Variants in PSMC2 observed in about 807,000 individuals in gnomAD.
PSMC2 encodes the protein 26S proteasome regulatory subunit 7.
A neutral mutation model predicts 53.3 loss-of-function variants in PSMC2; 7 were observed. That is an observed-to-expected ratio of 0.13 (90% CI 0.07 to 0.25). PSMC2 has a LOEUF of 0.25. PSMC2 is among the 10% of genes least tolerant of loss of function. The pLI, the probability that PSMC2 is intolerant of heterozygous loss-of-function variation, is 1.00. For missense variants in PSMC2, 241 were observed against 544.0 expected, an observed-to-expected ratio of 0.44 and a Z score of 5.54; for synonymous variants, 169 against 183.9, an observed-to-expected ratio of 0.92 and a Z score of 0.66.
chr7:103,359,459 A>G (rs1036546632), intron 4 of PSMC2, among the ~76,000 whole-genome samples: 4 of 152,034 alleles, frequency 2.6e-5, no homozygotes, highest in Non-Finnish European at 5.9e-5. Context: ...TGTCACCCCA[A>G]AAACAAACCC....
intron 2 of PSMC2, among the ~76,000 whole-genome samples, chr7:103,354,501 T>C (rs1211697496): frequency 6.6e-6 from 1 of 151,912 alleles, no homozygotes; most frequent in Admixed American, 6.6e-5. Flanking sequence ...CCTGAGTAGC[T>C]GGGATTATGA....
At chr7:103,362,139 T>C (rs752516157) in intron 5 of PSMC2, 51 bp downstream of exon 5, 23 of 1,605,148 alleles carry the variant, frequency 1.4e-5, no homozygotes, top group Non-Finnish European at 2.0e-5. Context: ...GGATACTGTC[T>C]CACATTCATA....
Position 103,347,674 on chromosome 7 carries a change from G to T in PSMC2, c.-38G>T, listed in dbSNP as rs1176587476. The stretch of plus-strand genomic sequence containing the variant: ...CCACCGGAAGCAAGGAAGGTGCTGT[G>T]TAATCATTAAGGAGCGGAGGCTTTT... On this transcript the variant is annotated 5_prime_UTR_variant, in exon 1 of 12. Coordinates refer to ENST00000292644, the MANE Select transcript of PSMC2 (RefSeq NM_002803.4). The T allele has an allele frequency of 5.6e-6, 9 of 1,612,416 alleles. No homozygotes were observed. Among genetic ancestry groups the T allele is most frequent in the Non-Finnish European group, 6.8e-6 (8 of 1,178,638 alleles).
Position 103,367,610 on chromosome 7 carries a change from C to A in PSMC2, c.1042C>A (p.Leu348Ile). Residue 348 changes from leucine to isoleucine, a missense_variant, in exon 10 of 12, where the codon CTA (leucine) becomes ATA (isoleucine). This residue lies in a region of PSMC2 where 60 missense variants were observed against 115.8 expected (regional missense o/e 0.52). Transcript: ENST00000292644. The surrounding 1 kb of genome is among the most constrained non-coding windows in gnomAD (Gnocchi z 6.1). Reference protein sequence around the residue: ...DRKIEFSLPDLEGRTHIFKIH... With the variant: ...DRKIEFSLPDIEGRTHIFKIH... Reference sequence around the variant, plus strand: ...AAAAATTGAATTTAGCTTGCCCGATCTAGAGGTAAGAAAACCATTTCATTT... The same window carrying A: ...AAAAATTGAATTTAGCTTGCCCGATATAGAGGTAAGAAAACCATTTCATTT... The A allele has an allele frequency of 6.2e-7, 1 of 1,613,884 alleles. No individual in the cohort carries two copies. Among genetic ancestry groups the A allele is most frequent in the Non-Finnish European group, 8.5e-7 (1 of 1,179,902 alleles).
In PSMC2 at chr7:103,367,963, C is replaced by T; in HGVS notation, c.1211C>T (p.Ala404Val). The change falls in exon 12 of 12, where the codon GCT becomes GTT. Residue 404 changes from alanine (A) to valine (V), a missense_variant. Physicochemically the swap from Ala to Val is moderately conservative, Grantham distance 64. Around this residue, in one of 6 missense-constraint regions of PSMC2, gnomAD observed 60 missense variants for 115.8 expected, o/e 0.52. Transcript: ENST00000292644. The surrounding 1 kb of genome is among the most constrained non-coding windows in gnomAD (Gnocchi z 6.1). Reference protein sequence around the residue: ...MFAIRARRKIATEKDFLEAVN... With the variant: ...MFAIRARRKIVTEKDFLEAVN... ...GCCATCAGAGCACGGCGAAAAATTG[C>T]TACCGAGAAGGATTTCTTGGAAGCT... The T allele has an allele frequency of 6.2e-7, 1 of 1,614,088 alleles. No homozygotes were observed. Among genetic ancestry groups the T allele is most frequent in the Non-Finnish European group, 8.5e-7 (1 of 1,180,020 alleles).
intron 9 of PSMC2, 82 bp downstream of exon 9, chr7:103,366,245 T>C: frequency 1.6e-6 from 2 of 1,270,484 alleles, no homozygotes; most frequent in East Asian, 2.3e-5. Context: ...ATGTTAATCT[T>C]GTACAGAATT....
At chr7:103,357,675 A>C (rs965761235) in intron 4 of PSMC2, among the ~76,000 whole-genome samples, 1 of 152,194 alleles carries the variant, frequency 6.6e-6, no homozygotes, top group Non-Finnish European at 1.5e-5. Context: ...GATTATGGCT[A>C]TGTAAACACT....
At chr7:103,359,575 G>T (rs1563489887) in intron 4 of PSMC2, among the ~76,000 whole-genome samples, 1 of 152,060 alleles carries the variant, frequency 6.6e-6, no homozygotes, top group Non-Finnish European at 1.5e-5. Flanking sequence ...TCATCTAAAT[G>T]GAATCATATA....
In PSMC2 at chr7:103,366,150, T is replaced by C; in HGVS notation, c.831T>C (p.Ile277=). The change falls in exon 9 of 12, where the codon ATT becomes ATC. Residue 277 remains isoleucine, a synonymous_variant. Coordinates refer to ENST00000292644, the MANE Select transcript of PSMC2 (RefSeq NM_002803.4). ...KKACLIFFDE[I]DAIGGARFDD... ...CCTGCCTTATCTTCTTTGATGAAAT[T>C]GATGCTATTGGAGGTGAGAATGATA... 2 of 1,613,054 alleles carry C rather than the reference T, an allele frequency of 1.2e-6. No homozygotes were observed. Among genetic ancestry groups the C allele is most frequent in the East Asian group, 2.2e-5 (1 of 44,858 alleles).
intron 1 of PSMC2, among the ~76,000 whole-genome samples, chr7:103,348,267 A>G (rs1403976042): frequency 6.6e-6 from 1 of 152,224 alleles, no homozygotes; most frequent in Non-Finnish European, 1.5e-5. Context: ...CCTTGGCCCC[A>G]GCCACCAACT....
chr7:103,368,223 C>T lies in PSMC2; in HGVS notation c.*169C>T, dbSNP rs567954898. The T allele has an allele frequency of 2.0e-4, 133 of 656,466 alleles. No individual in the cohort carries two copies. The East Asian group carries it at 3.7e-3, about 18-fold the overall frequency. The allele number at this position is 656,466 out of a possible 1,614,324, so 40.7% of individuals were successfully genotyped here. ...TTTCTAATGTTATTAGGCAGAAAAG[C>T]TTGTTAGAATATATTTTGACTATTT... On this transcript the variant is annotated 3_prime_UTR_variant, in exon 12 of 12. Coordinates refer to ENST00000292644, the MANE Select transcript of PSMC2 (RefSeq NM_002803.4).
intron 8 of PSMC2, among the ~76,000 whole-genome samples, chr7:103,364,958 C>CACATATATATATATATAT (rs1554575470): frequency 1.6e-5 from 2 of 125,502 alleles, no homozygotes; most frequent in African/African-American, 5.9e-5. Context: ...TGTAGACATA[C>CACATATATATATATATAT]ATATATATAT....
intron 6 of PSMC2, 129 bp from the exon 7 acceptor site, chr7:103,363,215 T>C (rs944763744): frequency 7.3e-6 from 5 of 685,978 alleles, no homozygotes; most frequent in Admixed American, 2.9e-5. Flanking sequence ...CACTGGGCAA[T>C]GTATTCAATT....
chr7:103,364,418 T>G lies in PSMC2; in HGVS notation c.756+111T>G, dbSNP rs544755950. On this transcript the variant is annotated intron_variant, in intron 8 of 11. Coordinates refer to ENST00000292644, the MANE Select transcript of PSMC2 (RefSeq NM_002803.4). ...GGATCCAGACCTGAAATTTCTTTTTTCTTTTGTTGAGACAGAGTCTCATTG... is the reference window on the plus strand; with the variant it reads ...GGATCCAGACCTGAAATTTCTTTTTGCTTTTGTTGAGACAGAGTCTCATTG... The G allele has an allele frequency of 3.2e-6, 4 of 1,263,844 alleles. No homozygotes were observed. In the Admixed American group the frequency reaches 8.5e-5, roughly 27 times the overall value. The allele number at this position is 1,263,844 out of a possible 1,614,324, so 78.3% of individuals were successfully genotyped here. A position where few individuals can be genotyped will look rare whatever the true frequency, so the allele number is the denominator to read the frequency against.
At chr7:103,349,934 T>C (rs757702104) in intron 1 of PSMC2, among the ~76,000 whole-genome samples, 4 of 152,234 alleles carry the variant, frequency 2.6e-5, no homozygotes, top group African/African-American at 7.2e-5. Context: ...CCTGAGACGA[T>C]TGAGAATCCA....
At chr7:103,365,727 A>G (rs954335707) in intron 8 of PSMC2, among the ~76,000 whole-genome samples, 1 of 152,132 alleles carries the variant, frequency 6.6e-6, no homozygotes, top group African/African-American at 2.4e-5. Context: ...CAGGAGTTCA[A>G]TGCCAGCCTG....
intron 1 of PSMC2, among the ~76,000 whole-genome samples, chr7:103,350,377 G>A (rs903970154): frequency 2.4e-4 from 37 of 152,056 alleles, no homozygotes; most frequent in African/African-American, 8.9e-4. Flanking sequence ...TACTTCACAG[G>A]TTTATATAGA....
chr7:103,359,470 A>G lies in PSMC2; in HGVS notation c.291-2487A>G, dbSNP rs371739170. ...TTTTTGTCACCCCAAAAACAAACCC[A>G]ATACCCATTAGCAGTCTTCATTCCC... On this transcript the variant is annotated intron_variant, in intron 4 of 11. Transcript: ENST00000292644. Among the ~76,000 whole-genome samples the G allele has an allele frequency of 3.3e-5, 5 of 152,070 alleles. No homozygotes were observed. In the East Asian group the frequency reaches 9.6e-4, roughly 29 times the overall value.
chr7:103,356,407 A>T (rs1395183614), intron 4 of PSMC2, among the ~76,000 whole-genome samples: 1 of 152,212 alleles, frequency 6.6e-6, no homozygotes, highest in Non-Finnish European at 1.5e-5. Context: ...AAGATATTAT[A>T]GTTTTAAAAT....
Sources: allele counts gnomAD v4.1 joint callset (sites outside exome capture counted in the v4.1 genomes callset), GRCh38; gene constraint gnomAD v4.1.1; regional missense constraint gnomAD v4.1.1; non-coding constraint Gnocchi (gnomAD v3.1); transcripts MANE v1.5; gene names NCBI Gene and HGNC (gene_info 2026-07-23, HGNC 2026-07-21).